Variants in RGS3 observed in about 807,000 individuals in gnomAD.
The protein encoded by RGS3 is regulator of G protein signaling 3, also known as regulator of G-protein signalling 3.
A neutral mutation model predicts 132.6 loss-of-function variants in RGS3; 80 were observed. The ratio of observed to expected loss-of-function variants is 0.60; its 90% CI spans 0.50 to 0.73. The LOEUF is 0.73. Ranked by LOEUF, RGS3 falls within the 30% of genes least tolerant of loss-of-function variation. The pLI is 0.00. For synonymous variants in RGS3, 598 were observed against 620.6 expected (o/e 0.96, Z 0.54); for missense variants, 1,382 against 1,530.8 (o/e 0.90, Z 1.62).
chr9:113,460,953 A>G (rs1474125122), intron 1 of RGS3, among the ~76,000 whole-genome samples: 2 of 152,170 alleles, frequency 1.3e-5, no homozygotes, highest in African/African-American at 2.4e-5. Context: ...ATCAATCTGT[A>G]TATATGCATA....
In RGS3 at chr9:113,561,481, C is replaced by T. The variant is rs533140549; in HGVS notation, c.2038-21969C>T. On this transcript the variant is annotated intron_variant, in intron 19 of 24. Coordinates refer to ENST00000350696, the Ensembl canonical transcript of RGS3. ...TGGGAGTGCAGTGGCACAATTATCA[C>T]GGCTCATTGCAGCCTCAACCTCCTG... 8.1e-4 allele frequency among the ~76,000 whole-genome samples: 123 copies of T among 152,078 alleles called. 1 individual carries two copies. Among genetic ancestry groups the T allele is most frequent in the Middle Eastern group, 6.8e-3 (2 of 294 alleles).
At chr9:113,535,372 C>T (rs1832637373) in intron 18 of RGS3, among the ~76,000 whole-genome samples, 1 of 152,162 alleles carries the variant, frequency 6.6e-6, no homozygotes, top group Admixed American at 6.5e-5. Context: ...GGGGTTTCAG[C>T]ATGTTGGCCA....
chr9:113,498,824 G>C (rs1452523516), intron 10 of RGS3, among the ~76,000 whole-genome samples: 2 of 151,574 alleles, frequency 1.3e-5, no homozygotes, highest in East Asian at 3.9e-4. Flanking sequence ...GGCTGAGGCA[G>C]GAGAATCACT....
intron 19 of RGS3, among the ~76,000 whole-genome samples, chr9:113,567,822 CTTGGGA>C (rs1834080342): frequency 6.6e-6 from 1 of 152,246 alleles, no homozygotes; most frequent in South Asian, 2.1e-4. Flanking sequence ...CCTGGACCCT[CTTGGGA>C]TGGTGCCAAC....
At chr9:113,473,162 T>C (rs905752747) in intron 3 of RGS3, among the ~76,000 whole-genome samples, 1 of 152,256 alleles carries the variant, frequency 6.6e-6, no homozygotes, top group African/African-American at 2.4e-5. Flanking sequence ...CACTGTCATT[T>C]CTACCACATT....
chr9:113,505,136 G>A, intron 10 of RGS3: 1 of 414,852 alleles, frequency 2.4e-6, no homozygotes. Flanking sequence ...TGGATCAAGG[G>A]CTGGGGCTGC....
At chr9:113,488,482 G>A (rs1260996118) in intron 7 of RGS3, among the ~76,000 whole-genome samples, 1 of 152,206 alleles carries the variant, frequency 6.6e-6, no homozygotes, top group Non-Finnish European at 1.5e-5. Context: ...GAAGGGACAG[G>A]CCAATGAAGG....
rs777424777 is a variant in RGS3 at position 113,462,163 on chromosome 9, C to A, written c.377C>A (p.Ala126Asp). The A allele has an allele frequency of 3.3e-5, 54 of 1,613,956 alleles. No homozygotes were observed. In the Admixed American group the frequency reaches 8.8e-4, roughly 26 times the overall value. The change falls in exon 3 of 25, where the codon GCC becomes GAC. Residue 126 changes from alanine to aspartate, a missense_variant. Ala to Asp is a moderately radical substitution (Grantham distance 126). Transcript: ENST00000350696. ...GATGAGTGGACTCAAACTTCTCCAGCCAGGAAGAGGATCACGCATGCCAAA... is the reference window on the plus strand; with the variant it reads ...GATGAGTGGACTCAAACTTCTCCAGACAGGAAGAGGATCACGCATGCCAAA...
intron 18 of RGS3, among the ~76,000 whole-genome samples, chr9:113,536,313 G>T (rs112357478): frequency 6.6e-6 from 1 of 152,148 alleles, no homozygotes; most frequent in East Asian, 1.9e-4. Context: ...TGGTATGCCC[G>T]TCCAACCACC....
intron 1 of RGS3, among the ~76,000 whole-genome samples, chr9:113,446,595 A>T (rs1312789929): frequency 6.6e-6 from 1 of 152,202 alleles, no homozygotes; most frequent in Non-Finnish European, 1.5e-5. Context: ...ATAAATTTAC[A>T]TATGTAAATT....
intron 19 of RGS3, among the ~76,000 whole-genome samples, chr9:113,566,670 T>C (rs12337340): frequency 0.12 from 18,216 of 152,262 alleles, 1,319 homozygotes; most frequent in African/African-American, 0.19. Context: ...AAATCTGACC[T>C]TCCTGACCTG....
intron 19 of RGS3, among the ~76,000 whole-genome samples, chr9:113,573,923 G>T (rs1296947510): frequency 6.6e-6 from 1 of 152,226 alleles, no homozygotes; most frequent in Non-Finnish European, 1.5e-5. Context: ...AAAGAGCAGG[G>T]CTTTGGAGTC....
chr9:113,595,408 C>A, intron 23 of RGS3, 191 bp from the exon 22 acceptor site: 1 of 602,328 alleles, frequency 1.7e-6, no homozygotes, highest in Non-Finnish European at 2.9e-6. Flanking sequence ...GAGGGGGAGA[C>A]CCCACTGAGA....
At chr9:113,466,871 C>T (rs1829660573) in intron 3 of RGS3, among the ~76,000 whole-genome samples, 1 of 152,200 alleles carries the variant, frequency 6.6e-6, no homozygotes, top group Non-Finnish European at 1.5e-5. Flanking sequence ...TGCTCTTTAG[C>T]TTGTACCGTC....
intron 18 of RGS3, 134 bp downstream of exon 16, chr9:113,529,398 C>A: frequency 1.3e-6 from 1 of 777,222 alleles, no homozygotes; most frequent in Non-Finnish European, 2.2e-6. Flanking sequence ...TGGGCAAGGC[C>A]AGAGTAGCGG....
At chr9:113,456,812 T>C (rs115134397), upstream of RGS3, among the ~76,000 whole-genome samples, 3,727 of 152,316 alleles carry the variant, frequency 0.024, 63 homozygotes, top group Admixed American at 0.037. Flanking sequence ...TATTTATTTT[T>C]TTTTTGAGAC....
At chr9:113,520,565 A>G (rs1359730353) in intron 16 of RGS3, among the ~76,000 whole-genome samples, 1 of 113,722 alleles carries the variant, frequency 8.8e-6, no homozygotes, top group African/African-American at 3.5e-5. Flanking sequence ...TTTTTTTTTT[A>G]AACTTTCTAG....
chr9:113,517,314 T>C, intron 15 of RGS3: 1 of 659,304 alleles, frequency 1.5e-6, no homozygotes, highest in East Asian at 3.0e-5. Context: ...ACGGTGAGGG[T>C]TGATGGGGAA....
chr9:113,565,442 T>C lies in RGS3; in HGVS notation c.2038-18008T>C. On this transcript the variant is annotated intron_variant, in intron 19 of 24. Transcript: ENST00000350696. The surrounding 1 kb of genome is among the most constrained non-coding windows in gnomAD (Gnocchi z 5.7). ...GAGGAGGAAGAGGAGGAGGGACGGGTGATGCAAGGGTTTTGAAAGCGCTAC... is the reference window on the plus strand; with the variant it reads ...GAGGAGGAAGAGGAGGAGGGACGGGCGATGCAAGGGTTTTGAAAGCGCTAC... 1 of 1,220,398 alleles carries C rather than the reference T, an allele frequency of 8.2e-7. No homozygotes were observed. Among genetic ancestry groups the C allele is most frequent in the Non-Finnish European group, 1.1e-6 (1 of 927,568 alleles). 75.6% of individuals were successfully genotyped at this position (1,220,398 alleles called of 1,614,324 possible). A position where few individuals can be genotyped will look rare whatever the true frequency, so the allele number is the denominator to read the frequency against.
Sources: allele counts gnomAD v4.1 joint callset (sites outside exome capture counted in the v4.1 genomes callset), GRCh38; gene constraint gnomAD v4.1.1; non-coding constraint Gnocchi (gnomAD v3.1); transcripts MANE v1.5; gene names NCBI Gene and HGNC (gene_info 2026-07-23, HGNC 2026-07-21).